Variants in RNF41 observed in about 807,000 individuals in gnomAD.
RNF41 encodes E3 ubiquitin-protein ligase NRDP1.
In RNF41, 4 loss-of-function variants were observed where a neutral mutation model predicts 33.0. The ratio of observed to expected loss-of-function variants is 0.12; its 90% CI spans 0.06 to 0.28. The LOEUF is 0.28. Ranked by LOEUF, RNF41 falls within the 10% of genes least tolerant of loss-of-function variation. The probability of loss-of-function intolerance (pLI) is 1.00; values close to 1 mark genes in which losing one functional copy is unlikely to be tolerated. For synonymous variants in RNF41, 164 were observed against 153.2 expected, an observed-to-expected ratio of 1.07 and a Z score of -0.52; for missense variants, 228 against 432.6, an observed-to-expected ratio of 0.53 and a Z score of 4.19.
At chr12:56,207,344 G>C (rs970215670) in intron 6 of RNF41, 9 of 1,232,650 alleles carry the variant, frequency 7.3e-6, no homozygotes, top group South Asian at 1.3e-5. Flanking sequence ...ATTTCTTTTT[G>C]GCCCTCCTAG....
At chr12:56,207,621 A>G in intron 6 of RNF41, 25 bp downstream of exon 6, 1 of 1,528,010 alleles carries the variant, frequency 6.5e-7, no homozygotes, top group Non-Finnish European at 9.1e-7. Context: ...ACATGAAATC[A>G]CTCCACGTCC....
intron 1 of RNF41, among the ~76,000 whole-genome samples, chr12:56,221,238 C>T (rs187545511): frequency 9.2e-5 from 14 of 152,098 alleles, no homozygotes; most frequent in African/African-American, 3.1e-4. Flanking sequence ...GCAAACCAAG[C>T]GCAGGGATGT....
intron 2 of RNF41, among the ~76,000 whole-genome samples, chr12:56,215,871 T>C (rs959207275): frequency 1.3e-5 from 2 of 151,376 alleles, no homozygotes; most frequent in Admixed American, 6.6e-5. Context: ...CCTGTAATCC[T>C]AGCACTTTGG....
chr12:56,214,387 A>G (rs2135810097), intron 2 of RNF41, among the ~76,000 whole-genome samples: 1 of 149,636 alleles, frequency 6.7e-6, no homozygotes, highest in Non-Finnish European at 1.5e-5. Flanking sequence ...TGGGTGTGGT[A>G]TGCGCATCTG....
intron 3 of RNF41, chr12:56,213,131 A>G: frequency 1.6e-6 from 2 of 1,288,774 alleles, no homozygotes; most frequent in African/African-American, 3.0e-5. Context: ...GCTGTATCAA[A>G]AGCTGGTCTT....
chr12:56,215,420 G>C lies in RNF41; in HGVS notation c.-24+1009C>G, dbSNP rs74613055. 7.0e-3 allele frequency among the ~76,000 whole-genome samples: 1,061 copies of C among 152,090 alleles called. 13 individuals carry two copies. Among genetic ancestry groups the C allele is most frequent in the African/African-American group, 0.024 (1,013 of 41,496 alleles). On this transcript the variant is annotated intron_variant, in intron 2 of 6. Transcript: ENST00000345093. The stretch of plus-strand genomic sequence containing the variant: ...GAACTTAGGTGGTGGTGGTGATGGG[G>C]ATAAAGAAGAGAAGAGAGGGCCGGG...
rs1868381679 is a variant in RNF41 at position 56,210,284 on chromosome 12, G to A, written c.362+13C>T. The A allele has an allele frequency of 6.2e-7, 1 of 1,608,696 alleles. No individual in the cohort carries two copies. Among genetic ancestry groups the A allele is most frequent in the Non-Finnish European group, 8.5e-7 (1 of 1,175,724 alleles). ...GCCCTTATCCATGTGGGGCAGAAGG[G>A]AACAAATCTCACCCACAGCCCTGTT... On this transcript the variant is annotated intron_variant, in intron 4 of 6. Transcript: ENST00000345093.
intron 3 of RNF41, among the ~76,000 whole-genome samples, chr12:56,213,332 TG>T (rs1315098026): frequency 3.9e-5 from 6 of 152,128 alleles, no homozygotes; most frequent in Non-Finnish European, 8.8e-5. Context: ...CCTGAGTAGC[TG>T]GGACTACAGG....
rs1300646727 is a variant in RNF41 at position 56,204,169 on chromosome 12, A to G, written c.*2278T>C. 6.6e-6 allele frequency: 1 copy of G among 152,212 alleles called. No individual in the cohort carries two copies. The highest frequency in any genetic ancestry group is 1.5e-5 in the Non-Finnish European group (1 of 68,046). 9.4% of individuals were successfully genotyped at this position (152,212 alleles called of 1,614,324 possible). Reference sequence around the variant, plus strand: ...GTTGCTTGTGGGACAAAGGAAAAAGATATATACATATCTTCTGTAGAAATT... The same window carrying G: ...GTTGCTTGTGGGACAAAGGAAAAAGGTATATACATATCTTCTGTAGAAATT... On this transcript the variant is annotated 3_prime_UTR_variant, in exon 7 of 7. Coordinates refer to ENST00000345093, the MANE Select transcript of RNF41 (RefSeq NM_005785.4).
intron 3 of RNF41, among the ~76,000 whole-genome samples, chr12:56,213,547 T>TTC (rs1868638373): frequency 6.6e-6 from 1 of 152,126 alleles, no homozygotes; most frequent in African/African-American, 2.4e-5. Flanking sequence ...CCTGGCTGAT[T>TTC]ACCTGAAGCA....
chr12:56,213,204 TG>T, intron 3 of RNF41: 15 of 1,128,876 alleles, frequency 1.3e-5, no homozygotes, highest in Middle Eastern at 3.3e-4. Context: ...TATTTGTTTT[TG>T]TTTTTTTTTT....
At position 56,210,479 on chromosome 12, in the gene RNF41, C is replaced by T. The variant is rs1249101926; in HGVS notation, c.180G>A (p.Val60=). The T allele has an allele frequency of 6.2e-7, 1 of 1,614,210 alleles. No homozygotes were observed. Among genetic ancestry groups the T allele is most frequent in the South Asian group, 1.1e-5 (1 of 91,088 alleles). ...QQTCPVDRSV[V]TVAHLRPVPR... ...GTACTGGGCGCAGATGGGCGACCGT[C>T]ACAACACTACGGTCCACTGGACATG... Residue 60 remains valine (V), a synonymous_variant, in exon 4 of 7, where the codon GTG becomes GTA. Coordinates refer to ENST00000345093, the MANE Select transcript of RNF41 (RefSeq NM_005785.4).
At position 56,202,741 on chromosome 12, in the gene RNF41, C is replaced by A. The variant is rs950743664; in HGVS notation, c.*3706G>T. ...ATTCATCTCCATTAGGGACTAAGTT[C>A]TTTGCAGGTAGGTGCCATTTTGCTA... On this transcript the variant is annotated 3_prime_UTR_variant, in exon 7 of 7. Coordinates refer to ENST00000345093, the MANE Select transcript of RNF41 (RefSeq NM_005785.4). 6.6e-6 allele frequency: 1 copy of A among 152,180 alleles called. No homozygotes were observed. Among genetic ancestry groups the A allele is most frequent in the African/African-American group, 2.4e-5 (1 of 41,438 alleles). The allele number at this position is 152,180 out of a possible 1,614,324, so 9.4% of individuals were successfully genotyped here. A position where few individuals can be genotyped will look rare whatever the true frequency, so the allele number is the denominator to read the frequency against.
rs556661936 is a variant in RNF41 at position 56,207,324 on chromosome 12, G to A, written c.602+322C>T. The A allele has an allele frequency of 3.1e-5, 40 of 1,309,344 alleles. 1 individual carries two copies. The South Asian group carries it at 3.6e-4, about 12-fold the overall frequency. 81.1% of individuals were successfully genotyped at this position (1,309,344 alleles called of 1,614,324 possible). ...GTTGTAAGCTACCTGAAGACAGGAC[G>A]ATATCTTCTATTTCTTTTTGGCCCT... On this transcript the variant is annotated intron_variant, in intron 6 of 6. Transcript: ENST00000345093.
At chr12:56,207,070 C>T (rs1868282385) in intron 6 of RNF41, 2 of 1,339,630 alleles carry the variant, frequency 1.5e-6, no homozygotes, top group Non-Finnish European at 1.9e-6. Flanking sequence ...TAGCGCCTAA[C>T]ACAGTTAGTG....
chr12:56,208,398 C>T (rs1200566891), intron 4 of RNF41, 100 bp from the exon 5 acceptor site: 5 of 1,317,922 alleles, frequency 3.8e-6, no homozygotes, highest in Non-Finnish European at 5.3e-6. Context: ...TAGATTTTGT[C>T]CTACCCAAAA....
At position 56,213,847 on chromosome 12, in the gene RNF41, G is replaced by A. The variant is rs945364455; in HGVS notation, c.90+111C>T. 20 of 769,394 alleles carry A rather than the reference G, an allele frequency of 2.6e-5. No individual in the cohort carries two copies. In the Admixed American group the frequency reaches 3.2e-4, roughly 12 times the overall value. The allele number at this position is 769,394 out of a possible 1,614,324, so 47.7% of individuals were successfully genotyped here. ...TGACCTAAATCTCTATTGGGTGAGG[G>A]TGGAGAGAAGAACACAGTGACTTCA... On this transcript the variant is annotated intron_variant, in intron 3 of 6. Coordinates refer to ENST00000345093, the MANE Select transcript of RNF41 (RefSeq NM_005785.4).
Position 56,207,713 on chromosome 12 carries a change from C to T in RNF41, c.535G>A (p.Ala179Thr). 1 of 1,614,162 alleles carries T rather than the reference C, an allele frequency of 6.2e-7. No homozygotes were observed. The highest frequency in any genetic ancestry group is 8.5e-7 in the Non-Finnish European group (1 of 1,179,992). ...DIQLLKAYMR[A>T]IRSVNPNLQN... is the part of the protein sequence containing the mutation. The stretch of plus-strand genomic sequence containing the variant: ...AGGTTGGGGTTGACACTGCGGATTG[C>T]ACGCATGTATGCCTTTAGCAGCTGG... Residue 179 changes from alanine (A) to threonine (T), a missense_variant, in exon 6 of 7, where the codon GCA becomes ACA. By Grantham distance (58) the Ala-to-Thr change is moderately conservative (BLOSUM62 0). Transcript: ENST00000345093.
At position 56,210,658 on chromosome 12, in the gene RNF41, C is replaced by A. The variant is rs1592352490; in HGVS notation, c.91-90G>T. On this transcript the variant is annotated intron_variant, in intron 3 of 6. Coordinates refer to ENST00000345093, the MANE Select transcript of RNF41 (RefSeq NM_005785.4). ...ATATAACTCTACAAAGCCAATCAAG[C>A]CTTTGAGCAGCCTCTACGACAAGAG... The A allele has an allele frequency of 3.0e-6, 4 of 1,330,766 alleles. No individual in the cohort carries two copies. The East Asian group carries it at 9.5e-5, about 32-fold the overall frequency. 82.4% of individuals were successfully genotyped at this position (1,330,766 alleles called of 1,614,324 possible).
Sources: gnomAD v4.1 joint callset for allele counts (sites outside exome capture counted in the v4.1 genomes callset) on GRCh38, gnomAD v4.1.1 for gene constraint, MANE v1.5 for transcripts, NCBI Gene and HGNC (gene_info 2026-07-23, HGNC 2026-07-21) for gene names.